The following SMURF1 variants were observed in gnomAD, a reference collection of about 807,000 sequenced individuals.
SMURF1 encodes SMAD specific E3 ubiquitin protein ligase 1, also known as E3 ubiquitin-protein ligase SMURF1.
SMURF1 carries 44 observed loss-of-function variants against 98.0 expected under a neutral mutation model. The ratio of observed to expected loss-of-function variants is 0.45; its 90% CI spans 0.35 to 0.58. The LOEUF is 0.58. Among genes scored for constraint, SMURF1 ranks in the 20% least tolerant of loss-of-function variants. The pLI, the probability that SMURF1 is intolerant of heterozygous loss-of-function variation, is 0.00. For synonymous variants in SMURF1, 396 were observed against 374.9 expected, an observed-to-expected ratio of 1.06 and a Z score of -0.65; for missense variants, 687 against 938.4, an observed-to-expected ratio of 0.73 and a Z score of 3.50.
chr7:99,124,652 GA>G (rs912034555), intron 1 of SMURF1, among the ~76,000 whole-genome samples: 86 of 142,438 alleles, frequency 6.0e-4, no homozygotes, highest in East Asian at 6.0e-4. Flanking sequence ...TGTCAAAAAG[GA>G]AAAAAAAAAA....
chr7:99,087,030 T>C (rs1369914053), intron 1 of SMURF1, among the ~76,000 whole-genome samples: 1 of 152,170 alleles, frequency 6.6e-6, no homozygotes, highest in Non-Finnish European at 1.5e-5. Context: ...TACTAAATTA[T>C]GCACTTTAAA....
intron 5 of SMURF1, among the ~76,000 whole-genome samples, 200 bp downstream of exon 5, chr7:99,057,005 A>C (rs1417642316): frequency 6.6e-6 from 1 of 151,538 alleles, no homozygotes; most frequent in Non-Finnish European, 1.5e-5. Context: ...AAAAAAAAAA[A>C]AGCCAGGAGA....
At chr7:99,067,396 T>G (rs2150551648) in intron 1 of SMURF1, among the ~76,000 whole-genome samples, 1 of 152,256 alleles carries the variant, frequency 6.6e-6, no homozygotes, top group East Asian at 1.9e-4. Flanking sequence ...ACACTGAGTT[T>G]ATTTTTCAGT....
intron 1 of SMURF1, among the ~76,000 whole-genome samples, chr7:99,075,446 G>A (rs369479056): frequency 6.6e-6 from 1 of 152,118 alleles, no homozygotes; most frequent in Non-Finnish European, 1.5e-5. Context: ...GGGAACCCCC[G>A]ATTTATTTAT....
At chr7:99,059,668 G>A (rs1411004773) in intron 3 of SMURF1, among the ~76,000 whole-genome samples, 1 of 151,978 alleles carries the variant, frequency 6.6e-6, no homozygotes, top group East Asian at 1.9e-4. Flanking sequence ...CCAGAACTTT[G>A]GGAGGCTGAG....
intron 1 of SMURF1, among the ~76,000 whole-genome samples, chr7:99,063,285 A>ATAAGATT: frequency 4.3e-5 from 1 of 23,120 alleles, no homozygotes; most frequent in East Asian, 1.5e-3. Flanking sequence ...ATATATATAT[A>ATAAGATT]TATATATATA....
intron 1 of SMURF1, among the ~76,000 whole-genome samples, chr7:99,131,166 T>G (rs1797864556): frequency 6.6e-6 from 1 of 152,104 alleles, no homozygotes; most frequent in Admixed American, 6.6e-5. Context: ...TCACTAAAAT[T>G]CTCTCTATTG....
intron 1 of SMURF1, among the ~76,000 whole-genome samples, chr7:99,138,706 G>A (rs750994737): frequency 6.6e-6 from 1 of 151,688 alleles, no homozygotes; most frequent in Non-Finnish European, 1.5e-5. Flanking sequence ...AGTCAGTTGG[G>A]TGGGCCAAGA....
chr7:99,050,892 G>T, intron 8 of SMURF1: 1 of 1,236,246 alleles, frequency 8.1e-7, no homozygotes, highest in East Asian at 3.2e-5. Context: ...TCTGTTATGG[G>T]GTGGGGGGGG....
rs944355026 is a variant in SMURF1 at position 99,057,254 on chromosome 7, T to A, written c.354A>T (p.Leu118=). ...LKDTGYQRLD[L]CKLNPSDTDA... is the part of the protein sequence containing the mutation. The stretch of plus-strand genomic sequence containing the variant: ...CAGTATCTGAGGGGTTTAGTTTGCA[T>A]AGATCCAAACGCTGGTCTGTAAACA... The change falls in exon 5 of 18, where the codon CTA becomes CTT. Residue 118 remains leucine (L), a synonymous_variant. Transcript: ENST00000361368. 6.2e-7 allele frequency: 1 copy of A among 1,613,982 alleles called. No individual in the cohort carries two copies. Among genetic ancestry groups the A allele is most frequent in the African/African-American group, 1.3e-5 (1 of 74,898 alleles).
At chr7:99,034,115 C>G (rs1795027008) in intron 16 of SMURF1, among the ~76,000 whole-genome samples, 1 of 152,168 alleles carries the variant, frequency 6.6e-6, no homozygotes, top group Non-Finnish European at 1.5e-5. Flanking sequence ...TGGCTCCTCC[C>G]CCTCACAGGC....
chr7:99,112,185 G>A (rs1405897837), intron 1 of SMURF1, among the ~76,000 whole-genome samples: 3 of 152,086 alleles, frequency 2.0e-5, no homozygotes, highest in Non-Finnish European at 4.4e-5. Context: ...AGACCTAAGA[G>A]GGCCCTAAGC....
In SMURF1 at chr7:99,029,479, A is replaced by G. The variant is rs991581989; in HGVS notation, c.*1105T>C. 6.6e-6 allele frequency: 1 copy of G among 152,212 alleles called. No individual in the cohort carries two copies. Among genetic ancestry groups the G allele is most frequent in the South Asian group, 2.1e-4 (1 of 4,824 alleles). 9.4% of individuals were successfully genotyped at this position (152,212 alleles called of 1,614,324 possible). A position where few individuals can be genotyped will look rare whatever the true frequency, so the allele number is the denominator to read the frequency against. On this transcript the variant is annotated 3_prime_UTR_variant, in exon 18 of 18. Transcript: ENST00000361368. ...CAGCTGCCACTGGGAAAGGGGCCAC[A>G]TGAGGCAGTGAGTGTGAAGTCGTCC...
At position 99,072,789 on chromosome 7, in the gene SMURF1, T is replaced by A. The variant is rs568501937; in HGVS notation, c.56-10952A>T. On this transcript the variant is annotated intron_variant, in intron 1 of 17. Transcript: ENST00000361368. ...TGCCTTATAATTTCTTTCCTATTTA[T>A]CATTTTATAGTGCTACTTCCATAAC... is the stretch of plus-strand genomic sequence containing the variant. Among the ~76,000 whole-genome samples, 9 of 152,366 alleles carry A rather than the reference T, an allele frequency of 5.9e-5. No individual in the cohort carries two copies. The South Asian group carries it at 1.9e-3, about 32-fold the overall frequency.
chr7:99,071,228 T>G (rs1796312049), intron 1 of SMURF1, among the ~76,000 whole-genome samples: 1 of 151,960 alleles, frequency 6.6e-6, no homozygotes, highest in African/African-American at 2.4e-5. Flanking sequence ...CCCGGCTAAT[T>G]TTTGTATTTT....
intron 1 of SMURF1, among the ~76,000 whole-genome samples, chr7:99,128,665 C>A (rs1325689091): frequency 6.6e-6 from 1 of 152,190 alleles, no homozygotes; most frequent in African/African-American, 2.4e-5. Context: ...TTTCAAATAT[C>A]AATATTGTAC....
chr7:99,111,329 T>A (rs992568993), intron 1 of SMURF1, among the ~76,000 whole-genome samples: 4 of 152,292 alleles, frequency 2.6e-5, no homozygotes, highest in African/African-American at 9.6e-5. Flanking sequence ...ATCAAGAAAT[T>A]TGATACTAAG....
At position 99,027,612 on chromosome 7, in the gene SMURF1, T is replaced by G. The variant is rs1481045246; in HGVS notation, c.*2972A>C. ...TGACATAGAACATTAGTGTACAACT[T>G]TCACAAAATAAATCAGTGATAAAAA... On this transcript the variant is annotated 3_prime_UTR_variant, in exon 18 of 18. Coordinates refer to ENST00000361368, the MANE Select transcript of SMURF1 (RefSeq NM_181349.3). 4 of 152,628 alleles carry G rather than the reference T, an allele frequency of 2.6e-5. No individual in the cohort carries two copies. Among genetic ancestry groups the G allele is most frequent in the African/African-American group, 7.2e-5 (3 of 41,436 alleles). 9.5% of individuals were successfully genotyped at this position (152,628 alleles called of 1,614,324 possible).
intron 1 of SMURF1, among the ~76,000 whole-genome samples, chr7:99,094,938 G>A (rs554574417): frequency 6.6e-6 from 1 of 152,152 alleles, no homozygotes; most frequent in African/African-American, 2.4e-5. Flanking sequence ...ACCTGCACTG[G>A]CTCCATCAAT....
Sources: gnomAD v4.1 joint callset for allele counts (sites outside exome capture counted in the v4.1 genomes callset) on GRCh38, gnomAD v4.1.1 for gene constraint, MANE v1.5 for transcripts, NCBI Gene and HGNC (gene_info 2026-07-23, HGNC 2026-07-21) for gene names.